Variants in ROBO2 observed in about 807,000 individuals in gnomAD.
The protein encoded by ROBO2 is roundabout guidance receptor 2.
A neutral mutation model predicts 160.8 loss-of-function variants in ROBO2; 53 were observed. The observed-to-expected ratio is 0.33, with a 90% CI of 0.26 to 0.41. ROBO2 has a LOEUF of 0.41. ROBO2 is among the 10% of genes least tolerant of loss of function. ROBO2 has a pLI of 1.00. For synonymous variants in ROBO2, 664 were observed against 611.7 expected, an observed-to-expected ratio of 1.09 and a Z score of -1.26; for missense variants, 1,577 against 1,722.4, an observed-to-expected ratio of 0.92 and a Z score of 1.49.
chr3:77,289,404 TA>T (rs1351396707), intron 2 of ROBO2, among the ~76,000 whole-genome samples: 1 of 151,460 alleles, frequency 6.6e-6, no homozygotes, highest in East Asian at 2.0e-4. Context: ...AATTGACGTT[TA>T]AACGGGGACA....
At chr3:77,246,692 A>C (rs2089771276) in intron 2 of ROBO2, among the ~76,000 whole-genome samples, 1 of 152,178 alleles carries the variant, frequency 6.6e-6, no homozygotes, top group Admixed American at 6.6e-5. Flanking sequence ...TTGTTATGGA[A>C]TTCCAAAACT....
At chr3:77,463,422 G>T (rs1019003248) in intron 2 of ROBO2, among the ~76,000 whole-genome samples, 2 of 151,976 alleles carry the variant, frequency 1.3e-5, no homozygotes, top group Admixed American at 6.6e-5. Context: ...AAATGTGTTT[G>T]TTTTTAGAAT....
intron 2 of ROBO2, among the ~76,000 whole-genome samples, chr3:76,003,905 G>A (rs1346126856): frequency 6.6e-6 from 1 of 152,192 alleles, no homozygotes; most frequent in Non-Finnish European, 1.5e-5. Context: ...TAGCTACTAG[G>A]ATGGCTATAA....
chr3:77,018,957 T>C lies in ROBO2; in HGVS notation c.110-79057T>C, dbSNP rs72902092. Reference sequence around the variant, plus strand: ...TTGATTTCACTGCTCTGAATTACCATGAAAAAACAGCCCTCCCTGTCCCTG... The same window carrying C: ...TTGATTTCACTGCTCTGAATTACCACGAAAAAACAGCCCTCCCTGTCCCTG... On this transcript the variant is annotated intron_variant, in intron 2 of 26. Coordinates refer to the ROBO2 transcript ENST00000487694. 3.4e-3 allele frequency among the ~76,000 whole-genome samples: 519 copies of C among 152,258 alleles called. 5 individuals are homozygous for C. The highest frequency in any genetic ancestry group is 0.011 in the African/African-American group (475 of 41,558).
intron 2 of ROBO2, among the ~76,000 whole-genome samples, chr3:76,577,507 G>A (rs1187163032): frequency 6.6e-6 from 1 of 152,042 alleles, no homozygotes; most frequent in Non-Finnish European, 1.5e-5. Flanking sequence ...AAATCAAAGA[G>A]TCAAGCATAT....
At chr3:75,917,753 A>G (rs1287308885) in intron 1 of ROBO2, among the ~76,000 whole-genome samples, 1 of 152,114 alleles carries the variant, frequency 6.6e-6, no homozygotes, top group Non-Finnish European at 1.5e-5. Context: ...ATGGTATGTC[A>G]TTGTGGTTTT....
At chr3:75,947,138 C>T (rs922710171) in intron 2 of ROBO2, among the ~76,000 whole-genome samples, 3 of 152,076 alleles carry the variant, frequency 2.0e-5, no homozygotes, top group Non-Finnish European at 4.4e-5. Context: ...GAAATGGCAA[C>T]GTCTTGATGA....
At chr3:77,097,411 T>C (rs1335457915) in intron 1 of ROBO2, among the ~76,000 whole-genome samples, 1 of 152,198 alleles carries the variant, frequency 6.6e-6, no homozygotes, top group Non-Finnish European at 1.5e-5. Flanking sequence ...GTATTGCATT[T>C]TAACATACGG....
intron 2 of ROBO2, among the ~76,000 whole-genome samples, chr3:77,157,256 A>T (rs1256628762): frequency 2.0e-5 from 3 of 152,124 alleles, no homozygotes; most frequent in Non-Finnish European, 2.9e-5. Context: ...ATTCCAACTT[A>T]CTAAGAGATC....
chr3:76,051,929 A>G (rs2067666633), intron 2 of ROBO2, among the ~76,000 whole-genome samples: 1 of 152,078 alleles, frequency 6.6e-6, no homozygotes, highest in African/African-American at 2.4e-5. Context: ...CCATAATTGA[A>G]TGATCTAAAT....
At chr3:77,579,090 A>G (rs933885030) in intron 15 of ROBO2, among the ~76,000 whole-genome samples, 5 of 152,168 alleles carry the variant, frequency 3.3e-5, no homozygotes, top group African/African-American at 1.2e-4. Context: ...TCCGAAACAA[A>G]TCATATGTTT....
intron 2 of ROBO2, among the ~76,000 whole-genome samples, chr3:77,098,805 G>A (rs1159917521): frequency 6.6e-6 from 1 of 151,422 alleles, no homozygotes; most frequent in Non-Finnish European, 1.5e-5. Context: ...GCAGTGAGCC[G>A]AGATCGCGCC....
chr3:76,444,073 C>A (rs2077053608), intron 2 of ROBO2, among the ~76,000 whole-genome samples: 1 of 152,106 alleles, frequency 6.6e-6, no homozygotes, highest in Non-Finnish European at 1.5e-5. Context: ...TCAAGCGATT[C>A]TCCTGCCTCA....
chr3:76,957,641 A>G (rs1433160623), intron 2 of ROBO2, among the ~76,000 whole-genome samples: 1 of 151,800 alleles, frequency 6.6e-6, no homozygotes, highest in South Asian at 2.1e-4. Context: ...GACCAACCTG[A>G]CCAACATGAT....
chr3:76,951,519 G>C (rs2078952852), intron 2 of ROBO2, among the ~76,000 whole-genome samples: 1 of 152,200 alleles, frequency 6.6e-6, no homozygotes, highest in African/African-American at 2.4e-5. Context: ...TGGTGTATGT[G>C]TGTGTTTATT....
At chr3:77,068,084 T>G (rs1178042614) in intron 1 of ROBO2, among the ~76,000 whole-genome samples, 2 of 152,128 alleles carry the variant, frequency 1.3e-5, no homozygotes, top group African/African-American at 4.8e-5. Context: ...AGTGTATATT[T>G]GTAAAATTTT....
intron 2 of ROBO2, among the ~76,000 whole-genome samples, chr3:76,682,284 G>A (rs543310637): frequency 2.0e-5 from 3 of 152,268 alleles, no homozygotes; most frequent in Non-Finnish European, 2.9e-5. Flanking sequence ...TGCAACGAAT[G>A]TACCTCTCTG....
At chr3:75,995,993 C>A (rs1451606895) in intron 2 of ROBO2, among the ~76,000 whole-genome samples, 3 of 152,092 alleles carry the variant, frequency 2.0e-5, no homozygotes, top group Non-Finnish European at 4.4e-5. Flanking sequence ...ATCATGGGAG[C>A]AACTAACTTG....
At chr3:77,490,144 A>G (rs969805583) in intron 4 of ROBO2, among the ~76,000 whole-genome samples, 4 of 129,678 alleles carry the variant, frequency 3.1e-5, no homozygotes, top group Non-Finnish European at 6.2e-5. Context: ...TCTGTCTCCC[A>G]GGCTGGAGTG....
Sources: gnomAD v4.1 joint callset for allele counts (sites outside exome capture counted in the v4.1 genomes callset) on GRCh38, gnomAD v4.1.1 for gene constraint, MANE v1.5 for transcripts, NCBI Gene and HGNC (gene_info 2026-07-23, HGNC 2026-07-21) for gene names.